EPS15L1: variants seen among roughly 807,000 people sequenced by gnomAD.
EPS15L1 encodes epidermal growth factor receptor substrate 15-like 1.
In EPS15L1, 43 loss-of-function variants were observed where a neutral mutation model predicts 117.1. The observed-to-expected ratio is 0.37, with a 90% CI of 0.29 to 0.47. The LOEUF is 0.47. Among genes scored for constraint, EPS15L1 ranks in the 20% least tolerant of loss-of-function variants. The pLI is 0.99. For synonymous variants in EPS15L1, 459 were observed against 470.5 expected (o/e 0.98, Z 0.32); for missense variants, 981 against 1,164.0 (o/e 0.84, Z 2.29).
At chr19:16,448,609 C>T (rs1435152395) in intron 1 of EPS15L1, among the ~76,000 whole-genome samples, 1 of 150,806 alleles carries the variant, frequency 6.6e-6, no homozygotes, top group Non-Finnish European at 1.5e-5. Context: ...ATTGGGAGGC[C>T]AAGGTAGGCG....
At chr19:16,424,706 G>A (rs1215856046) in intron 9 of EPS15L1, among the ~76,000 whole-genome samples, 1 of 152,144 alleles carries the variant, frequency 6.6e-6, no homozygotes, top group Non-Finnish European at 1.5e-5. Context: ...TGTTGCCCAG[G>A]CTGGAGTGCA....
intron 1 of EPS15L1, among the ~76,000 whole-genome samples, chr19:16,448,569 C>G (rs896293734): frequency 1.4e-5 from 2 of 144,088 alleles, no homozygotes; most frequent in African/African-American, 5.3e-5. Flanking sequence ...AAAGGCCGGG[C>G]GCGGTGGCTC....
At chr19:16,396,898 T>C (rs897076458) in intron 16 of EPS15L1, among the ~76,000 whole-genome samples, 18 of 150,520 alleles carry the variant, frequency 1.2e-4, no homozygotes, top group Admixed American at 5.3e-4. Flanking sequence ...AACCCTAGAG[T>C]CATCACATTC....
Position 16,404,775 on chromosome 19 carries a change from G to GT in EPS15L1, c.1267-27dup, listed in dbSNP as rs777202746. 147 of 1,611,282 alleles carry GT rather than the reference G, an allele frequency of 9.1e-5. No individual in the cohort carries two copies. The highest frequency in any genetic ancestry group is 1.2e-4 in the Non-Finnish European group (145 of 1,177,804). On this transcript the variant is annotated intron_variant, in intron 13 of 23. Transcript: ENST00000455140. The surrounding 1 kb of genome is among the most constrained non-coding windows in gnomAD (Gnocchi z 4.2). The stretch of plus-strand genomic sequence containing the variant: ...CTAGGGAGGAGTTGCAGGGGTTTAC[G>GT]TGAGGATGGGAAAAATGAAGCATGT...
rs2092629808 is a variant in EPS15L1, at chr19:16,404,014, C to G, written c.1429-84G>C. 3.0e-6 allele frequency: 4 copies of G among 1,317,886 alleles called. No homozygotes were observed. In the African/African-American group the frequency reaches 5.9e-5, roughly 19 times the overall value. 81.6% of individuals were successfully genotyped at this position (1,317,886 alleles called of 1,614,324 possible). ...CCGAGAAAGAACTCTTAGCCCCCAT[C>G]CCCGAAACAAGCTAAGCCAGGGACG... On this transcript the variant is annotated intron_variant, in intron 14 of 23. Transcript: ENST00000455140. This position sits in a 1 kb window ranked among gnomAD's most constrained non-coding sequence, Gnocchi z 4.2.
chr19:16,440,916 A>T lies in EPS15L1; in HGVS notation c.166-7T>A. 1.2e-6 allele frequency: 2 copies of T among 1,614,116 alleles called. No homozygotes were observed. Among genetic ancestry groups the T allele is most frequent in the Non-Finnish European group, 1.7e-6 (2 of 1,179,966 alleles). On this transcript the variant is annotated splice_region_variant and splice_polypyrimidine_tract_variant and intron_variant, in intron 3 of 23. Transcript: ENST00000455140. ...GATCGGCCAAGTCCCATATCTGCGG[A>T]AACACAAAAATGCTCATAAGCATGA...
At chr19:16,450,538 T>C (rs2093130854) in intron 1 of EPS15L1, among the ~76,000 whole-genome samples, 1 of 142,716 alleles carries the variant, frequency 7.0e-6, no homozygotes, top group South Asian at 2.2e-4. Flanking sequence ...TGGAGTGCAA[T>C]GGTGCGATCT....
At chr19:16,399,225 T>G (rs761096767) in intron 16 of EPS15L1, among the ~76,000 whole-genome samples, 8 of 152,094 alleles carry the variant, frequency 5.3e-5, no homozygotes, top group Non-Finnish European at 1.0e-4. Context: ...GGGTAACTAA[T>G]AGTGGTTTTG....
intron 21 of EPS15L1, among the ~76,000 whole-genome samples, chr19:16,378,116 G>GTGGA (rs752671351): frequency 8.5e-5 from 13 of 152,148 alleles, no homozygotes; most frequent in East Asian, 3.9e-4. Context: ...TGGCGGGTGG[G>GTGGA]TGGATGGATG....
At chr19:16,459,757 CA>C (rs1363796511) in intron 1 of EPS15L1, among the ~76,000 whole-genome samples, 5 of 152,158 alleles carry the variant, frequency 3.3e-5, no homozygotes, top group African/African-American at 1.2e-4. Context: ...GACAGGGGAG[CA>C]GGCCGTATTT....
At chr19:16,455,902 G>A (rs1032623595) in intron 1 of EPS15L1, among the ~76,000 whole-genome samples, 1 of 151,806 alleles carries the variant, frequency 6.6e-6, no homozygotes, top group Non-Finnish European at 1.5e-5. Flanking sequence ...CCCACCCTTC[G>A]CATAAAACCT....
intron 1 of EPS15L1, among the ~76,000 whole-genome samples, chr19:16,453,506 G>A (rs1309649671): frequency 6.6e-6 from 1 of 152,150 alleles, no homozygotes; most frequent in Non-Finnish European, 1.5e-5. Context: ...GAGGTCAGGA[G>A]ATCGAGACCA....
intron 7 of EPS15L1, among the ~76,000 whole-genome samples, chr19:16,433,333 T>C (rs905760563): frequency 9.2e-5 from 14 of 151,822 alleles, no homozygotes; most frequent in African/African-American, 3.4e-4. Flanking sequence ...GGTTTCACCA[T>C]GTTGGCCAGG....
intron 1 of EPS15L1, among the ~76,000 whole-genome samples, chr19:16,461,671 C>A (rs763366986): frequency 6.6e-6 from 1 of 152,094 alleles, no homozygotes; most frequent in Non-Finnish European, 1.5e-5. Context: ...TACAGATTGG[C>A]GTAATGACAG....
intron 22 of EPS15L1, among the ~76,000 whole-genome samples, chr19:16,374,021 C>T (rs188601036): frequency 2.6e-4 from 40 of 152,332 alleles, no homozygotes; most frequent in African/African-American, 7.5e-4. Context: ...GCAGTTGCTC[C>T]GGACTTAAAA....
intron 10 of EPS15L1, 116 bp from the exon 11 acceptor site, chr19:16,418,220 G>GCCACCAC: frequency 8.3e-7 from 1 of 1,202,942 alleles, no homozygotes; most frequent in Non-Finnish European, 1.2e-6. Flanking sequence ...GGCAGGGCGT[G>GCCACCAC]GTGGCAAGCC....
intron 21 of EPS15L1, among the ~76,000 whole-genome samples, chr19:16,378,284 GC>G (rs2092321190): frequency 6.6e-6 from 1 of 151,976 alleles, no homozygotes; most frequent in Admixed American, 6.6e-5. Context: ...TGCCCCAGCT[GC>G]CTGATTTTTC....
chr19:16,406,757 G>A (rs1420316195), intron 13 of EPS15L1, among the ~76,000 whole-genome samples: 2 of 152,378 alleles, frequency 1.3e-5, no homozygotes, highest in East Asian at 1.9e-4. Context: ...TTCATGCACA[G>A]AGCAGAGAAT....
chr19:16,376,811 C>T (rs1355000081), intron 22 of EPS15L1, among the ~76,000 whole-genome samples: 1 of 152,246 alleles, frequency 6.6e-6, no homozygotes, highest in African/African-American at 2.4e-5. Context: ...CACTGACATG[C>T]TCAGGCGGAG....
Sources: gnomAD v4.1 joint callset for allele counts (sites outside exome capture counted in the v4.1 genomes callset) on GRCh38, gnomAD v4.1.1 for gene constraint, Gnocchi (gnomAD v3.1) non-coding constraint, MANE v1.5 for transcripts, NCBI Gene and HGNC (gene_info 2026-07-23, HGNC 2026-07-21) for gene names.